Variants in CBLB observed in about 807,000 individuals in gnomAD.
The protein encoded by CBLB is E3 ubiquitin-protein ligase CBL-B.
A neutral mutation model predicts 104.9 loss-of-function variants in CBLB; 31 were observed. The observed-to-expected ratio is 0.30, with a 90% confidence interval of 0.22 to 0.40. CBLB has a LOEUF of 0.40. CBLB is among the 10% of genes least tolerant of loss of function. CBLB has a pLI of 1.00. For synonymous variants in CBLB, 440 were observed against 422.6 expected, an observed-to-expected ratio of 1.04 and a Z score of -0.51; for missense variants, 1,062 against 1,214.6, an observed-to-expected ratio of 0.87 and a Z score of 1.87.
chr3:105,733,254 G>A (rs1430988556), intron 9 of CBLB, among the ~76,000 whole-genome samples: 1 of 151,990 alleles, frequency 6.6e-6, no homozygotes, highest in African/African-American at 2.4e-5. Flanking sequence ...CTACTCGGGA[G>A]GCTGAGGCAG....
intron 4 of CBLB, among the ~76,000 whole-genome samples, chr3:105,762,681 G>A (rs574034237): frequency 6.6e-6 from 1 of 152,352 alleles, no homozygotes; most frequent in East Asian, 1.9e-4. Flanking sequence ...TGCTGCAGGG[G>A]CAGGGCTCTT....
intron 5 of CBLB, among the ~76,000 whole-genome samples, chr3:105,746,810 C>T (rs1453331832): frequency 6.6e-6 from 1 of 152,330 alleles, no homozygotes; most frequent in South Asian, 2.1e-4. Flanking sequence ...GGGCAAGGGA[C>T]ATGCCTGTCT....
intron 6 of CBLB, among the ~76,000 whole-genome samples, chr3:105,744,209 C>T (rs1406353254): frequency 2.0e-5 from 3 of 152,118 alleles, no homozygotes; most frequent in Admixed American, 6.5e-5. Flanking sequence ...CCTCAGTTCC[C>T]TCATTATTTC....
At chr3:105,704,421 A>G (rs1169905057) in intron 10 of CBLB, among the ~76,000 whole-genome samples, 1 of 152,246 alleles carries the variant, frequency 6.6e-6, no homozygotes, top group Admixed American at 6.5e-5. Flanking sequence ...AAAGAACAGC[A>G]AAAGTATAGT....
intron 3 of CBLB, among the ~76,000 whole-genome samples, chr3:105,818,939 GAAA>G (rs578040099): frequency 6.6e-6 from 1 of 152,084 alleles, no homozygotes; most frequent in Non-Finnish European, 1.5e-5. Flanking sequence ...AAACTATAGT[GAAA>G]AAGTTTGTTT....
chr3:105,733,969 G>A, intron 9 of CBLB, 40 bp downstream of exon 9: 1 of 1,586,550 alleles, frequency 6.3e-7, no homozygotes, highest in East Asian at 2.2e-5. Flanking sequence ...AATATTAGTA[G>A]GACATATAAG....
chr3:105,799,531 A>G (rs1158762204), intron 3 of CBLB, among the ~76,000 whole-genome samples: 4 of 152,190 alleles, frequency 2.6e-5, no homozygotes, highest in African/African-American at 9.6e-5. Context: ...GCATTTCACC[A>G]TTTTGATTTG....
At position 105,720,038 on chromosome 3, in the gene CBLB, T is replaced by C. The variant is rs778129363; in HGVS notation, c.1407+9A>G. 1.9e-5 allele frequency: 30 copies of C among 1,599,912 alleles called. No individual in the cohort carries two copies. The highest frequency in any genetic ancestry group is 8.3e-5 in the Admixed American group (5 of 59,952). On this transcript the variant is annotated intron_variant, in intron 10 of 18. Coordinates refer to ENST00000394030, the MANE Select transcript of CBLB (RefSeq NM_170662.5). The stretch of plus-strand genomic sequence containing the variant: ...ATCACCTTAACTAAACCCATGTTTC[T>C]AGTTTTACCTTTCGGACGTTTGCCA...
intron 13 of CBLB, among the ~76,000 whole-genome samples, chr3:105,688,136 GGAAAT>G (rs2067231596): frequency 6.6e-6 from 1 of 151,944 alleles, no homozygotes; most frequent in Non-Finnish European, 1.5e-5. Context: ...TAAACTTACG[GGAAAT>G]TTTTAGGATA....
intron 3 of CBLB, among the ~76,000 whole-genome samples, chr3:105,785,922 T>C (rs2080933158): frequency 6.6e-6 from 1 of 152,126 alleles, no homozygotes; most frequent in Non-Finnish European, 1.5e-5. Context: ...GTAGTGCAAG[T>C]GCATATCAAG....
At chr3:105,748,251 G>T (rs2076288589) in intron 5 of CBLB, among the ~76,000 whole-genome samples, 1 of 152,110 alleles carries the variant, frequency 6.6e-6, no homozygotes, top group South Asian at 2.1e-4. Flanking sequence ...TCTCCCAAAT[G>T]CTACTATTTT....
chr3:105,858,896 T>A (rs1468484334), intron 2 of CBLB, among the ~76,000 whole-genome samples: 1 of 152,182 alleles, frequency 6.6e-6, no homozygotes, highest in Non-Finnish European at 1.5e-5. Context: ...TCTCTGTACA[T>A]GCATTGTTTC....
At chr3:105,848,492 G>A (rs1356232690) in intron 3 of CBLB, among the ~76,000 whole-genome samples, 2 of 151,802 alleles carry the variant, frequency 1.3e-5, no homozygotes, top group Non-Finnish European at 2.9e-5. Flanking sequence ...TAAAATTCGG[G>A]CTACTCATTC....
At chr3:105,715,975 G>C (rs974443009) in intron 10 of CBLB, among the ~76,000 whole-genome samples, 1 of 152,184 alleles carries the variant, frequency 6.6e-6, no homozygotes, top group African/African-American at 2.4e-5. Flanking sequence ...GGAGGCAGAG[G>C]TTGCAGTGAA....
chr3:105,790,931 C>T (rs985497581), intron 3 of CBLB, among the ~76,000 whole-genome samples: 1 of 152,302 alleles, frequency 6.6e-6, no homozygotes, highest in South Asian at 2.1e-4. Flanking sequence ...CCCCTTCTAT[C>T]CATGCTGCTC....
intron 10 of CBLB, among the ~76,000 whole-genome samples, chr3:105,706,197 G>A (rs891074183): frequency 1.9e-4 from 29 of 151,934 alleles, no homozygotes; most frequent in Admixed American, 3.9e-4. Flanking sequence ...CTATACCTCC[G>A]ATATGCCTGA....
At chr3:105,664,358 T>C (rs577513020) in intron 18 of CBLB, among the ~76,000 whole-genome samples, 1 of 152,180 alleles carries the variant, frequency 6.6e-6, no homozygotes, top group Admixed American at 6.6e-5. Context: ...TAATTTAAAA[T>C]GACATTTATT....
intron 3 of CBLB, among the ~76,000 whole-genome samples, chr3:105,842,029 A>C (rs75501000): frequency 1.3e-5 from 2 of 152,136 alleles, no homozygotes; most frequent in Non-Finnish European, 2.9e-5. Context: ...AAAAAAAAAA[A>C]AGAGGGTTAC....
intron 18 of CBLB, among the ~76,000 whole-genome samples, chr3:105,664,612 T>C (rs2064167798): frequency 6.6e-6 from 1 of 152,192 alleles, no homozygotes; most frequent in Admixed American, 6.5e-5. Flanking sequence ...AATATGCGCA[T>C]AATTAGAAAA....
Sources: gnomAD v4.1 joint callset for allele counts (sites outside exome capture counted in the v4.1 genomes callset) on GRCh38, gnomAD v4.1.1 for gene constraint, MANE v1.5 for transcripts, NCBI Gene and HGNC (gene_info 2026-07-23, HGNC 2026-07-21) for gene names.